The following CNTNAP2 variants were observed in gnomAD, a reference collection of about 807,000 sequenced individuals.
The protein encoded by CNTNAP2 is contactin-associated protein-like 2.
CNTNAP2 carries 98 observed loss-of-function variants against 155.2 expected under a neutral mutation model. That is an observed-to-expected ratio of 0.63 (90% CI 0.54 to 0.75). The LOEUF (loss-of-function observed/expected upper bound fraction) is 0.75. Among genes scored for constraint, CNTNAP2 ranks in the 30% least tolerant of loss-of-function variants. The probability of loss-of-function intolerance (pLI) is 0.00; values close to 1 mark genes in which losing one functional copy is unlikely to be tolerated. For synonymous variants in CNTNAP2, 651 were observed against 631.2 expected, an observed-to-expected ratio of 1.03 and a Z score of -0.47; for missense variants, 1,727 against 1,688.1, an observed-to-expected ratio of 1.02 and a Z score of -0.40.
chr7:147,930,990 C>T (rs779093744), intron 14 of CNTNAP2, among the ~76,000 whole-genome samples: 13 of 151,902 alleles, frequency 8.6e-5, no homozygotes, highest in South Asian at 4.2e-4. Flanking sequence ...AAATGTCTCA[C>T]GACAAATAAA....
intron 4 of CNTNAP2, among the ~76,000 whole-genome samples, chr7:147,066,260 A>T (rs1195786873): frequency 6.7e-6 from 1 of 148,846 alleles, no homozygotes; most frequent in African/African-American, 2.6e-5. Flanking sequence ...CGTCAGTTCT[A>T]AGGTTATTTC....
chr7:147,133,000 A>C (rs1345484664), intron 8 of CNTNAP2, among the ~76,000 whole-genome samples: 2 of 152,152 alleles, frequency 1.3e-5, no homozygotes, highest in African/African-American at 2.4e-5. Context: ...TTGGAAAAGA[A>C]AACGAAAGTG....
chr7:146,720,942 T>TATATATATACA (rs1311585309), intron 1 of CNTNAP2, among the ~76,000 whole-genome samples: 2 of 135,834 alleles, frequency 1.5e-5, no homozygotes, highest in African/African-American at 5.8e-5. Flanking sequence ...ATATACTTTC[T>TATATATATACA]CTATATATTC....
intron 15 of CNTNAP2, among the ~76,000 whole-genome samples, chr7:148,064,691 A>C (rs1803221234): frequency 6.6e-6 from 1 of 151,746 alleles, no homozygotes; most frequent in African/African-American, 2.4e-5. Context: ...AAAAAAAAAA[A>C]AAAAAACTCA....
At chr7:147,883,855 A>T (rs189257522) in intron 13 of CNTNAP2, among the ~76,000 whole-genome samples, 16 of 152,360 alleles carry the variant, frequency 1.1e-4, no homozygotes, top group Admixed American at 7.8e-4. Flanking sequence ...AACTATGGAC[A>T]GGTGCTATTT....
At chr7:147,161,031 C>T (rs1393618733) in intron 8 of CNTNAP2, among the ~76,000 whole-genome samples, 1 of 152,008 alleles carries the variant, frequency 6.6e-6, no homozygotes, top group East Asian at 1.9e-4. Flanking sequence ...AAGGGACATT[C>T]AAGAGACAGT....
intron 8 of CNTNAP2, among the ~76,000 whole-genome samples, chr7:147,152,374 A>C (rs1314122685): frequency 2.0e-5 from 3 of 152,058 alleles, no homozygotes; most frequent in African/African-American, 7.2e-5. Flanking sequence ...CCACATACTT[A>C]AATGCCTATG....
At chr7:148,273,793 A>G (rs1487401884) in intron 21 of CNTNAP2, among the ~76,000 whole-genome samples, 1 of 152,194 alleles carries the variant, frequency 6.6e-6, no homozygotes, top group African/African-American at 2.4e-5. Flanking sequence ...TATTTCCCAA[A>G]CTACCATTAT....
chr7:147,029,255 G>T (rs766853347), intron 3 of CNTNAP2, among the ~76,000 whole-genome samples: 1 of 152,092 alleles, frequency 6.6e-6, no homozygotes, highest in Non-Finnish European at 1.5e-5. Flanking sequence ...GAGCCACTGC[G>T]CCGGGCCTAA....
chr7:148,172,398 G>T lies in CNTNAP2; in HGVS notation c.2930G>T (p.Gly977Val), dbSNP rs796052381. The change falls in exon 18 of 24, where the codon GGA becomes GTA. Residue 977 changes from glycine (G) to valine (V), a missense_variant. Physicochemically the swap from Gly to Val is moderately radical, Grantham distance 109 (BLOSUM62 -3). Transcript: ENST00000361727. ...AGCTATGGAACAAACTGTGAAAATG[G>T]AGGCAAATGCCTAGAGAGATACCAC... is the stretch of plus-strand genomic sequence containing the variant. The part of the protein sequence containing the change: ...CTSYGTNCEN[G>V]GKCLERYHGY... 6.2e-7 allele frequency: 1 copy of T among 1,614,164 alleles called. No homozygotes were observed. The highest frequency in any genetic ancestry group is 8.5e-7 in the Non-Finnish European group (1 of 1,180,026).
At chr7:147,503,534 G>C (rs763124621) in intron 11 of CNTNAP2, among the ~76,000 whole-genome samples, 2 of 151,920 alleles carry the variant, frequency 1.3e-5, no homozygotes, top group African/African-American at 4.8e-5. Context: ...TCCCAGCTCC[G>C]TTATGCCATC....
At chr7:146,989,006 T>C (rs1189228563) in intron 3 of CNTNAP2, among the ~76,000 whole-genome samples, 1 of 152,212 alleles carries the variant, frequency 6.6e-6, no homozygotes, top group Non-Finnish European at 1.5e-5. Context: ...CCTCTCCATA[T>C]TTCTTTCTTA....
chr7:147,562,192 A>G lies in CNTNAP2; in HGVS notation c.1832A>G (p.Tyr611Cys), dbSNP rs1800076820. 2 of 1,614,058 alleles carry G rather than the reference A, an allele frequency of 1.2e-6. No homozygotes were observed. The highest frequency in any genetic ancestry group is 1.7e-6 in the Non-Finnish European group (2 of 1,179,932). The part of the protein sequence containing the change: ...AYKHLGQTSN[Y>C]YWIDPDGSGP... ...AAACACCTAGGACAGACATCAAATT[A>G]TTACTGGATAGATCCTGATGGCAGC... The change falls in exon 12 of 24, where the codon TAT becomes TGT. Residue 611 changes from tyrosine (Y) to cysteine (C), a missense_variant. Transcript: ENST00000361727.
chr7:147,128,657 A>G (rs1801286235), intron 6 of CNTNAP2, 36 bp from the exon 7 acceptor site: 3 of 1,612,808 alleles, frequency 1.9e-6, no homozygotes, highest in Admixed American at 1.7e-5. Context: ...TCATAATACA[A>G]TGTGGACGTT....
chr7:146,494,573 C>T (rs2129131876), intron 1 of CNTNAP2, among the ~76,000 whole-genome samples: 1 of 152,116 alleles, frequency 6.6e-6, no homozygotes, highest in Non-Finnish European at 1.5e-5. Flanking sequence ...CAGCATGAGA[C>T]TTGAATCTGA....
chr7:147,539,519 A>G (rs1276703984), intron 11 of CNTNAP2, among the ~76,000 whole-genome samples: 1 of 152,300 alleles, frequency 6.6e-6, no homozygotes, highest in Non-Finnish European at 1.5e-5. Flanking sequence ...ATAGTCTGAG[A>G]ATATTACTGG....
At chr7:146,741,193 A>G (rs1328284588) in intron 1 of CNTNAP2, among the ~76,000 whole-genome samples, 1 of 151,976 alleles carries the variant, frequency 6.6e-6, no homozygotes, top group Admixed American at 6.5e-5. Flanking sequence ...GTCTTTTCTT[A>G]TTATTGTACT....
chr7:147,136,775 T>A (rs1016068778), intron 8 of CNTNAP2, among the ~76,000 whole-genome samples: 10 of 152,022 alleles, frequency 6.6e-5, no homozygotes, highest in African/African-American at 2.4e-4. Flanking sequence ...GACATCCTTT[T>A]CATCATATGA....
chr7:147,337,775 T>C lies in CNTNAP2; in HGVS notation c.1498+37485T>C, dbSNP rs570247586. Among the ~76,000 whole-genome samples, 10 of 152,230 alleles carry C rather than the reference T, an allele frequency of 6.6e-5. No homozygotes were observed. In the East Asian group the frequency reaches 1.7e-3, roughly 26 times the overall value. On this transcript the variant is annotated intron_variant, in intron 9 of 23. Coordinates refer to ENST00000361727, the MANE Select transcript of CNTNAP2 (RefSeq NM_014141.6). Reference sequence around the variant, plus strand: ...TGAGCTTGCTCATTATCTCTGAAGATTTACATGGAGTATTCAAAGCCTGCA... The same window carrying C: ...TGAGCTTGCTCATTATCTCTGAAGACTTACATGGAGTATTCAAAGCCTGCA...
Sources: gnomAD v4.1 joint callset for allele counts (sites outside exome capture counted in the v4.1 genomes callset) on GRCh38, gnomAD v4.1.1 for gene constraint, MANE v1.5 for transcripts, NCBI Gene and HGNC (gene_info 2026-07-23, HGNC 2026-07-21) for gene names.